Variants in CCSER2 observed in about 807,000 individuals in gnomAD.
CCSER2 encodes the protein coiled-coil serine rich protein 2.
Under a neutral mutation model 92.3 loss-of-function variants are expected in CCSER2, and 46 were observed. The ratio of observed to expected loss-of-function variants is 0.50; its 90% confidence interval spans 0.39 to 0.64. The LOEUF (loss-of-function observed/expected upper bound fraction) is 0.64, where lower values mean the gene tolerates loss of function less well. Among genes scored for constraint, CCSER2 ranks in the 30% least tolerant of loss-of-function variants. CCSER2 has a pLI of 0.00. For missense variants in CCSER2, 1,244 were observed against 1,238.9 expected, an observed-to-expected ratio of 1.00 and a Z score of -0.06; for synonymous variants, 433 against 431.4, an observed-to-expected ratio of 1.00 and a Z score of -0.04.
chr10:84,502,120 T>A (rs1848788014), intron 9 of CCSER2, among the ~76,000 whole-genome samples: 1 of 151,138 alleles, frequency 6.6e-6, no homozygotes, highest in South Asian at 2.1e-4. Flanking sequence ...AAAGGGTTTT[T>A]TTTTAGTTAT....
intron 3 of CCSER2, among the ~76,000 whole-genome samples, chr10:84,408,509 A>G (rs1842482714): frequency 6.6e-6 from 1 of 151,052 alleles, no homozygotes; most frequent in African/African-American, 2.4e-5. Context: ...TTTTTTAGTA[A>G]CTTCATAGAG....
At chr10:84,443,979 C>T (rs1844747541) in intron 6 of CCSER2, among the ~76,000 whole-genome samples, 1 of 152,012 alleles carries the variant, frequency 6.6e-6, no homozygotes, top group Non-Finnish European at 1.5e-5. Context: ...ACATCACACA[C>T]CAGGGCCTGT....
intron 6 of CCSER2, among the ~76,000 whole-genome samples, chr10:84,457,209 T>TATATATTATATATGATATATAA (rs1334698550): frequency 9.0e-6 from 1 of 110,842 alleles, no homozygotes; most frequent in East Asian, 2.2e-4. Flanking sequence ...TTCTTTTATA[T>TATATATTATATATGATATATAA]ATATATTACA....
intron 8 of CCSER2, among the ~76,000 whole-genome samples, chr10:84,476,554 C>G (rs1847158466): frequency 6.8e-6 from 1 of 147,848 alleles, no homozygotes; most frequent in Non-Finnish European, 1.5e-5. Flanking sequence ...TGCCATTCTC[C>G]TGCCTCAGCC....
chr10:84,485,275 T>A (rs1847738779), intron 9 of CCSER2, among the ~76,000 whole-genome samples: 1 of 152,234 alleles, frequency 6.6e-6, no homozygotes. Context: ...TGCCATTTTA[T>A]AACTTGTGTA....
intron 7 of CCSER2, among the ~76,000 whole-genome samples, chr10:84,468,567 T>C (rs1004111451): frequency 3.3e-5 from 5 of 152,252 alleles, no homozygotes; most frequent in Non-Finnish European, 7.3e-5. Flanking sequence ...TGCTGGCTAT[T>C]AATGTTCTTA....
At chr10:84,494,335 T>G (rs563468193) in intron 9 of CCSER2, among the ~76,000 whole-genome samples, 1 of 152,284 alleles carries the variant, frequency 6.6e-6, no homozygotes, top group African/African-American at 2.4e-5. Context: ...TGACCAGAGG[T>G]CACTTTCATT....
chr10:84,419,594 A>G (rs571473746), intron 4 of CCSER2, among the ~76,000 whole-genome samples: 50 of 152,146 alleles, frequency 3.3e-4, no homozygotes, highest in Non-Finnish European at 5.3e-4. Flanking sequence ...TGAGGACAAT[A>G]TCCACCACTG....
chr10:84,341,721 C>A (rs1844198744), intron 1 of CCSER2, among the ~76,000 whole-genome samples: 1 of 152,146 alleles, frequency 6.6e-6, no homozygotes, highest in South Asian at 2.1e-4. Flanking sequence ...GTGTCTATGA[C>A]CAGCCATAAA....
intron 4 of CCSER2, among the ~76,000 whole-genome samples, chr10:84,423,982 TAAA>T (rs3044102): frequency 1.1e-4 from 12 of 108,160 alleles, no homozygotes; most frequent in Admixed American, 2.0e-4. Context: ...CCCCATCTCT[TAAA>T]AAAAAAAAAA....
chr10:84,466,522 T>G (rs75301136), intron 7 of CCSER2, among the ~76,000 whole-genome samples: 1 of 151,258 alleles, frequency 6.6e-6, no homozygotes, highest in Non-Finnish European at 1.5e-5. Context: ...TTTTTTTTTT[T>G]GAGACAAAGT....
intron 3 of CCSER2, among the ~76,000 whole-genome samples, chr10:84,413,807 C>T (rs879519160): frequency 5.9e-5 from 9 of 152,110 alleles, no homozygotes; most frequent in Admixed American, 5.9e-4. Context: ...TAAAAACTTG[C>T]TTTCTGAATC....
chr10:84,346,692 A>T (rs969011175), intron 1 of CCSER2, among the ~76,000 whole-genome samples: 1 of 151,724 alleles, frequency 6.6e-6, no homozygotes, highest in African/African-American at 2.4e-5. Flanking sequence ...CATTTCAGAG[A>T]GCACATGCTA....
chr10:84,476,019 A>G (rs1847115881), intron 8 of CCSER2, among the ~76,000 whole-genome samples: 1 of 151,964 alleles, frequency 6.6e-6, no homozygotes, highest in African/African-American at 2.4e-5. Context: ...TGTTTTTTGT[A>G]GATACAGGGT....
intron 1 of CCSER2, among the ~76,000 whole-genome samples, chr10:84,365,917 T>C (rs1021888570): frequency 6.6e-6 from 1 of 152,194 alleles, no homozygotes; most frequent in Admixed American, 6.5e-5. Flanking sequence ...CTTATGTTTA[T>C]ACCGAAAGTG....
chr10:84,516,013 ATGTT>A lies in CCSER2; in HGVS notation c.*1752_*1755del, dbSNP rs1849587606. 1.3e-5 allele frequency: 2 copies of A among 152,340 alleles called. No homozygotes were observed. The highest frequency in any genetic ancestry group is 4.8e-5 in the African/African-American group (2 of 41,574). The allele number at this position is 152,340 out of a possible 1,614,324, so 9.4% of individuals were successfully genotyped here. On this transcript the variant is annotated 3_prime_UTR_variant, in exon 10 of 10. Coordinates refer to ENST00000372088, the MANE Select transcript of CCSER2 (RefSeq NM_001284240.2). ...TCAGATAGATAACCTTACAAGGAGA[ATGTT>A]TGTTTTGAGCAGCTGACCAAAAATA...
Position 84,432,659 on chromosome 10 carries a change from T to A in CCSER2, c.1869-5853T>A, listed in dbSNP as rs545093619. Among the ~76,000 whole-genome samples, 3 of 152,342 alleles carry A rather than the reference T, an allele frequency of 2.0e-5. No homozygotes were observed. In the South Asian group the frequency reaches 6.2e-4, roughly 32 times the overall value. ...TATCAGATATATGTTTTGCAAATAA[T>A]TTTTTCCAGTCGGTGGCTTATTCTC... On this transcript the variant is annotated intron_variant, in intron 5 of 9. Transcript: ENST00000372088.
chr10:84,341,817 G>A (rs901556243), intron 1 of CCSER2, among the ~76,000 whole-genome samples: 1 of 152,098 alleles, frequency 6.6e-6, no homozygotes. Flanking sequence ...ACTTATGTTT[G>A]CCCATTTATT....
At chr10:84,341,271 G>A (rs536684095) in intron 1 of CCSER2, among the ~76,000 whole-genome samples, 6 of 150,502 alleles carry the variant, frequency 4.0e-5, no homozygotes, top group African/African-American at 1.5e-4. Context: ...CTGGCCTCTA[G>A]GATCTTCCCA....
Sources: gnomAD v4.1 joint callset for allele counts (sites outside exome capture counted in the v4.1 genomes callset) on GRCh38, gnomAD v4.1.1 for gene constraint, MANE v1.5 for transcripts, NCBI Gene and HGNC (gene_info 2026-07-23, HGNC 2026-07-21) for gene names.